DNAL1: variants seen among roughly 807,000 people sequenced by gnomAD.
DNAL1 encodes the protein dynein axonemal light chain 1, also known as chromosome 14 open reading frame 168.
A neutral mutation model predicts 29.4 loss-of-function variants in DNAL1; 17 were observed. The observed-to-expected ratio is 0.58, with a 90% CI of 0.40 to 0.87. The LOEUF is 0.87. Ranked by LOEUF, DNAL1 falls within the 40% of genes least tolerant of loss-of-function variation. The pLI is 0.00. For missense variants in DNAL1, 188 were observed against 214.1 expected (o/e 0.88, Z 0.76); for synonymous variants, 78 against 76.3 (o/e 1.02, Z -0.12).
chr14:73,663,450 C>A (rs1019682379), intron 4 of DNAL1, among the ~76,000 whole-genome samples: 1 of 152,168 alleles, frequency 6.6e-6, no homozygotes, highest in African/African-American at 2.4e-5. Flanking sequence ...AAGTGATCCA[C>A]CCACCTCAGC....
At chr14:73,666,357 T>C (rs942840695) in intron 4 of DNAL1, among the ~76,000 whole-genome samples, 3 of 152,172 alleles carry the variant, frequency 2.0e-5, no homozygotes, top group African/African-American at 4.8e-5. Flanking sequence ...CTGTATAATA[T>C]GAATAATAAT....
At chr14:73,647,118 G>A (rs982432351) in intron 1 of DNAL1, among the ~76,000 whole-genome samples, 1 of 151,950 alleles carries the variant, frequency 6.6e-6, no homozygotes, top group Non-Finnish European at 1.5e-5. Flanking sequence ...CAGCACTTTG[G>A]TAGGCCGAGG....
chr14:73,676,963 A>AT (rs56879277), intron 5 of DNAL1, among the ~76,000 whole-genome samples: 19,532 of 126,528 alleles, frequency 0.15, 1,584 homozygotes, highest in African/African-American at 0.21. Flanking sequence ...AGTAGTATTC[A>AT]TTTTTTTTTT....
intron 3 of DNAL1, among the ~76,000 whole-genome samples, chr14:73,661,750 GA>G (rs1891363211): frequency 2.7e-5 from 4 of 150,768 alleles, no homozygotes; most frequent in African/African-American, 7.3e-5. Context: ...GTCTTAAGAA[GA>G]AAAAAAAATT....
At chr14:73,664,859 TA>T (rs112233204) in intron 4 of DNAL1, among the ~76,000 whole-genome samples, 22,837 of 147,086 alleles carry the variant, frequency 0.16, 2,797 homozygotes, top group East Asian at 0.67. Context: ...AGACCTTGTC[TA>T]AAAAAAAAAA....
rs150899764 is a variant in DNAL1 at position 73,663,929 on chromosome 14, A to C, written c.208+1887A>C. 6.6e-5 allele frequency among the ~76,000 whole-genome samples: 10 copies of C among 152,276 alleles called. No homozygotes were observed. In the East Asian group the frequency reaches 1.9e-3, roughly 29 times the overall value. ...CTGCACAACTCCCCCTTATCTATGT[A>C]GTTGTGGGTGTATCTCTAGGCAGGC... is the stretch of plus-strand genomic sequence containing the variant. On this transcript the variant is annotated intron_variant, in intron 4 of 7. Coordinates refer to ENST00000553645, the MANE Select transcript of DNAL1 (RefSeq NM_031427.4).
intron 4 of DNAL1, among the ~76,000 whole-genome samples, chr14:73,666,645 G>C (rs1891487483): frequency 6.6e-6 from 1 of 151,998 alleles, no homozygotes. Context: ...TAATAAATAT[G>C]GTCTTTTTAG....
intron 5 of DNAL1, among the ~76,000 whole-genome samples, chr14:73,672,351 A>T (rs1422887748): frequency 6.6e-6 from 1 of 152,098 alleles, no homozygotes; most frequent in African/African-American, 2.4e-5. Context: ...CACGCCTGTA[A>T]TCCCAGCACT....
In DNAL1 at chr14:73,681,524, TGAG is replaced by T. The variant is rs1164955979; in HGVS notation, c.265-5730_265-5728del. 3.4e-5 allele frequency among the ~76,000 whole-genome samples: 5 copies of T among 145,414 alleles called. No homozygotes were observed. In the East Asian group the frequency reaches 1.0e-3, roughly 30 times the overall value. ...GGCTCACATCTGTAATGCCAGCACT[TGAG>T]GAGGCTGAGGCGGTGGGATCACTTA... On this transcript the variant is annotated intron_variant, in intron 5 of 7. Transcript: ENST00000553645.
intron 5 of DNAL1, among the ~76,000 whole-genome samples, chr14:73,675,914 C>G (rs1208102149): frequency 1.3e-5 from 2 of 151,970 alleles, no homozygotes; most frequent in African/African-American, 4.8e-5. Flanking sequence ...ACTTGGGAGG[C>G]TGAGACAGGA....
intron 4 of DNAL1, among the ~76,000 whole-genome samples, chr14:73,665,808 CTA>C (rs1413453287): frequency 6.6e-6 from 1 of 151,332 alleles, no homozygotes; most frequent in Non-Finnish European, 1.5e-5. Flanking sequence ...AAAAAAATGA[CTA>C]TGATAATAGT....
chr14:73,703,268 AATAT>A lies in DNAL1; in HGVS notation c.*7334_*7337del, dbSNP rs200352428. On this transcript the variant is annotated 3_prime_UTR_variant, in exon 8 of 8. Coordinates refer to ENST00000553645, the MANE Select transcript of DNAL1 (RefSeq NM_031427.4). ...TATGTCATATATATGTATTGCATTG[AATAT>A]ATATATACGCATGTAGATACATACA... 3 of 152,114 alleles carry A rather than the reference AATAT, an allele frequency of 2.0e-5. No homozygotes were observed. The highest frequency in any genetic ancestry group is 2.9e-5 in the Non-Finnish European group (2 of 68,012). The allele number at this position is 152,114 out of a possible 1,614,324, so 9.4% of individuals were successfully genotyped here. A position where few individuals can be genotyped will look rare whatever the true frequency, so the allele number is the denominator to read the frequency against.
intron 3 of DNAL1, chr14:73,659,555 A>G (rs1273920010): frequency 6.6e-6 from 1 of 152,172 alleles, no homozygotes; most frequent in Non-Finnish European, 1.5e-5. Context: ...ACAATAAACT[A>G]TATATTTTTT....
intron 3 of DNAL1, 69 bp from the exon 4 acceptor site, chr14:73,661,918 T>G (rs916684478): frequency 1.0e-6 from 1 of 987,578 alleles, no homozygotes; most frequent in South Asian, 1.6e-5. Context: ...TGGGCACTAG[T>G]GTTAAGGAAT....
intron 5 of DNAL1, among the ~76,000 whole-genome samples, chr14:73,681,643 T>TATACAA (rs1176679874): frequency 8.2e-6 from 1 of 121,994 alleles, no homozygotes; most frequent in African/African-American, 3.5e-5. Context: ...AATATATATA[T>TATACAA]ATATATATAT....
At chr14:73,652,243 C>T (rs1041762402) in intron 1 of DNAL1, among the ~76,000 whole-genome samples, 15 of 151,928 alleles carry the variant, frequency 9.9e-5, no homozygotes, top group Admixed American at 3.9e-4. Context: ...TTTGTAGAGA[C>T]GGGGTCTTGC....
At chr14:73,681,686 C>T (rs868280566) in intron 5 of DNAL1, among the ~76,000 whole-genome samples, 1 of 137,028 alleles carries the variant, frequency 7.3e-6, no homozygotes, top group African/African-American at 2.9e-5. Context: ...CACTGTAGTC[C>T]TAGGTATCAG....
rs115012697 is a variant in DNAL1 at position 73,646,189 on chromosome 14, A to G, written c.3+1147A>G. ...TTCAGGTGAAGAAAGGCTCAGACCT[A>G]AATATTTATGAAAGTATGAACCATG... On this transcript the variant is annotated intron_variant, in intron 1 of 7. Transcript: ENST00000553645. Among the ~76,000 whole-genome samples, 568 of 152,352 alleles carry G rather than the reference A, an allele frequency of 3.7e-3. 2 individuals carry two copies. The highest frequency in any genetic ancestry group is 0.013 in the African/African-American group (548 of 41,572).
At chr14:73,658,208 G>A (rs746450422) in intron 2 of DNAL1, among the ~76,000 whole-genome samples, 31 of 152,214 alleles carry the variant, frequency 2.0e-4, no homozygotes, top group Non-Finnish European at 3.1e-4. Context: ...AAATCAGTTG[G>A]CTGTAAATAC....
Sources: allele counts gnomAD v4.1 joint callset (sites outside exome capture counted in the v4.1 genomes callset), GRCh38; gene constraint gnomAD v4.1.1; transcripts MANE v1.5; gene names NCBI Gene and HGNC (gene_info 2026-07-23, HGNC 2026-07-21).